Variants in NOL4L observed in about 807,000 individuals in gnomAD.
NOL4L encodes the protein nucleolar protein 4 like, also known as nucleolar protein 4-like.
Under a neutral mutation model 64.5 loss-of-function variants are expected in NOL4L, and 7 were observed. The observed-to-expected ratio is 0.11, with a 90% CI of 0.06 to 0.20. The LOEUF (loss-of-function observed/expected upper bound fraction) is 0.20, where lower values mean the gene tolerates loss of function less well. Among genes scored for constraint, NOL4L ranks in the 10% least tolerant of loss-of-function variants. The pLI, the probability that NOL4L is intolerant of heterozygous loss-of-function variation, is 1.00. For missense variants in NOL4L, 680 were observed against 967.1 expected (o/e 0.70, Z 3.94); for synonymous variants, 413 against 401.0 (o/e 1.03, Z -0.36).
chr20:32,531,875 C>T (rs1208708795), intron 1 of NOL4L, among the ~76,000 whole-genome samples: 1 of 152,194 alleles, frequency 6.6e-6, no homozygotes, highest in Non-Finnish European at 1.5e-5. Context: ...GGACCCATGA[C>T]AAAATGTGTC....
At chr20:32,514,780 G>A (rs1437954588) in intron 3 of NOL4L, among the ~76,000 whole-genome samples, 1 of 152,114 alleles carries the variant, frequency 6.6e-6, no homozygotes, top group African/African-American at 2.4e-5. Context: ...GCTCAGAAGA[G>A]CCGTGGGTCC....
chr20:32,465,645 C>A lies in NOL4L; in HGVS notation c.841+8956G>T, dbSNP rs111456050. 1.6e-3 allele frequency among the ~76,000 whole-genome samples: 246 copies of A among 152,366 alleles called. 1 individual carries two copies. The highest frequency in any genetic ancestry group is 5.7e-3 in the African/African-American group (239 of 41,594). ...GTTCTCAGAGCAAACAGAGCCACTC[C>A]AGGCCACCATGTGTGAATGATTCAC... is the stretch of plus-strand genomic sequence containing the variant. On this transcript the variant is annotated intron_variant, in intron 5 of 10. Transcript: ENST00000621426.
chr20:32,453,786 G>A lies in NOL4L; in HGVS notation c.1120-25C>T. 2 of 1,549,510 alleles carry A rather than the reference G, an allele frequency of 1.3e-6. No individual in the cohort carries two copies. Among genetic ancestry groups the A allele is most frequent in the Non-Finnish European group, 8.7e-7 (1 of 1,145,372 alleles). On this transcript the variant is annotated intron_variant, in intron 6 of 10. Transcript: ENST00000621426. The surrounding 1 kb of genome is among the most constrained non-coding windows in gnomAD (Gnocchi z 5.6). ...ACTAAAAGGAGGGCAAGAGGCAGAG[G>A]GTTGGGCCAAGCAGCTGCTCAAGCC...
In NOL4L at chr20:32,541,544, G is replaced by A. The variant is rs1348780464; in HGVS notation, c.322-13631C>T. ...GGCCGCCTGAAGCCGGCTGTCAGGA[G>A]CTCGTCTGGCCACAGCCGCCAGCAG... On this transcript the variant is annotated intron_variant, in intron 1 of 10. Transcript: ENST00000621426. Among the ~76,000 whole-genome samples, 10 of 152,308 alleles carry A rather than the reference G, an allele frequency of 6.6e-5. 1 individual carries two copies. The South Asian group carries it at 2.1e-3, about 32-fold the overall frequency.
chr20:32,541,403 T>A (rs564812851), intron 1 of NOL4L, among the ~76,000 whole-genome samples: 1 of 152,382 alleles, frequency 6.6e-6, no homozygotes, highest in Non-Finnish European at 1.5e-5. Flanking sequence ...AGTGAATGAA[T>A]GAAACCAAGA....
rs150664061 is a variant in NOL4L at position 32,451,949 on chromosome 20, G to A, written c.1822+287C>T. ...GGGAGTGGAACCAGTGAGAGGCGCC[G>A]GTAGTGAAGGTGGGAAGTGTTGGAG... is the stretch of plus-strand genomic sequence containing the variant. On this transcript the variant is annotated intron_variant, in intron 10 of 10. Coordinates refer to ENST00000621426, the MANE Select transcript of NOL4L (RefSeq NM_001256798.2). Among the ~76,000 whole-genome samples the A allele has an allele frequency of 5.3e-5, 8 of 152,338 alleles. No homozygotes were observed. In the East Asian group the frequency reaches 9.6e-4, roughly 18 times the overall value.
intron 4 of NOL4L, among the ~76,000 whole-genome samples, chr20:32,497,980 A>G (rs1049457010): frequency 2.0e-5 from 3 of 152,186 alleles, no homozygotes; most frequent in African/African-American, 7.2e-5. Context: ...TGCACCAGTA[A>G]ATTACGAGTG....
intron 5 of NOL4L, among the ~76,000 whole-genome samples, chr20:32,462,497 C>T (rs1054683567): frequency 2.0e-5 from 3 of 152,138 alleles, no homozygotes; most frequent in African/African-American, 7.2e-5. Flanking sequence ...CCACCCCTCA[C>T]TGCACCTGGC....
rs144525150 is a variant in NOL4L at position 32,449,120 on chromosome 20, G to A, written c.1823-1304C>T. Among the ~76,000 whole-genome samples, 7 of 152,340 alleles carry A rather than the reference G, an allele frequency of 4.6e-5. No individual in the cohort carries two copies. The East Asian group carries it at 1.2e-3, about 25-fold the overall frequency. On this transcript the variant is annotated intron_variant, in intron 10 of 10. Transcript: ENST00000621426. ...TTGAAAAGCATTCTACAAGGTGTTC[G>A]GCAAGAAACAGCCAAAGAAGAGAGA...
Position 32,453,897 on chromosome 20 carries a change from C to T in NOL4L, c.1120-136G>A. On this transcript the variant is annotated intron_variant, in intron 6 of 10. Transcript: ENST00000621426. The surrounding 1 kb of genome is among the most constrained non-coding windows in gnomAD (Gnocchi z 5.6). The stretch of plus-strand genomic sequence containing the variant: ...CCACGAGAGCCATAGCTGCGAGGCC[C>T]TGAGCAAGTCACTCCCCTCTTCTGC... The T allele has an allele frequency of 1.4e-6, 1 of 739,562 alleles. No individual in the cohort carries two copies. The highest frequency in any genetic ancestry group is 2.2e-6 in the Non-Finnish European group (1 of 452,188). 45.8% of individuals were successfully genotyped at this position (739,562 alleles called of 1,614,324 possible).
chr20:32,513,787 C>A (rs552503971), intron 3 of NOL4L, among the ~76,000 whole-genome samples: 1 of 151,798 alleles, frequency 6.6e-6, no homozygotes, highest in Non-Finnish European at 1.5e-5. Context: ...ATCACCTGAG[C>A]CCAGGACGTT....
At chr20:32,535,784 G>A in intron 1 of NOL4L, 4 of 985,460 alleles carry the variant, frequency 4.1e-6, no homozygotes, top group Non-Finnish European at 4.8e-6. Context: ...AAGAGAAAGG[G>A]GCACAGTGGG....
chr20:32,450,820 G>GAT (rs1568589545), intron 10 of NOL4L, among the ~76,000 whole-genome samples: 2 of 152,146 alleles, frequency 1.3e-5, no homozygotes, highest in East Asian at 3.8e-4. Flanking sequence ...AAAGGAGCCC[G>GAT]CCTAGGACAG....
chr20:32,466,760 T>C (rs555151887), intron 5 of NOL4L, among the ~76,000 whole-genome samples: 262 of 152,240 alleles, frequency 1.7e-3, no homozygotes, highest in Non-Finnish European at 3.2e-3. Flanking sequence ...TGAGCAGGTG[T>C]TGGGGAGAAG....
chr20:32,534,170 C>T (rs911343681), intron 1 of NOL4L, among the ~76,000 whole-genome samples: 6 of 152,120 alleles, frequency 3.9e-5, no homozygotes, highest in Non-Finnish European at 7.4e-5. Flanking sequence ...TGAGAGGATG[C>T]GGCTAAATAG....
intron 3 of NOL4L, among the ~76,000 whole-genome samples, chr20:32,512,018 A>G (rs1255967908): frequency 6.6e-6 from 1 of 152,076 alleles, no homozygotes; most frequent in Non-Finnish European, 1.5e-5. Flanking sequence ...ATCTCTAAAA[A>G]ACAAACAAAA....
Position 32,511,380 on chromosome 20 carries a change from C to G in NOL4L, c.666G>C (p.Gln222His). ...NMPLTSTYLKQMKLRVMNSQE... is the reference protein window; with the variant it reads ...NMPLTSTYLKHMKLRVMNSQE... The stretch of plus-strand genomic sequence containing the variant: ...GGGAATTCATCACTCGAAGCTTCAT[C>G]TGCTTCAGGTAGGTGGAGGTGAGGG... The change falls in exon 4 of 11, where the codon CAG becomes CAC. Residue 222 changes from glutamine to histidine, a missense_variant. Coordinates refer to ENST00000621426, the MANE Select transcript of NOL4L (RefSeq NM_001256798.2). 3.9e-6 allele frequency: 6 copies of G among 1,550,442 alleles called. No individual in the cohort carries two copies. The highest frequency in any genetic ancestry group is 5.2e-6 in the Non-Finnish European group (6 of 1,146,880).
At chr20:32,539,020 A>G (rs1411164874) in intron 1 of NOL4L, among the ~76,000 whole-genome samples, 2 of 56,982 alleles carry the variant, frequency 3.5e-5, no homozygotes, top group Non-Finnish European at 3.3e-5. Context: ...CAGGGGCTCC[A>G]GTGGGGGTGG....
chr20:32,524,361 C>T (rs1443675330), intron 2 of NOL4L, among the ~76,000 whole-genome samples: 1 of 152,216 alleles, frequency 6.6e-6, no homozygotes, highest in African/African-American at 2.4e-5. Context: ...GGCCATCTAA[C>T]TCCAGCTCGA....
Sources: gnomAD v4.1 joint callset for allele counts (sites outside exome capture counted in the v4.1 genomes callset) on GRCh38, gnomAD v4.1.1 for gene constraint, Gnocchi (gnomAD v3.1) non-coding constraint, MANE v1.5 for transcripts, NCBI Gene and HGNC (gene_info 2026-07-23, HGNC 2026-07-21) for gene names.